Variants in PCDHGB4 observed in about 807,000 individuals in gnomAD.
PCDHGB4 encodes the protein protocadherin gamma subfamily B, 4.
PCDHGB4 carries 38 observed loss-of-function variants against 60.5 expected under a neutral mutation model. That is an observed-to-expected ratio of 0.63 (90% CI 0.48 to 0.82). The LOEUF is 0.82. Among genes scored for constraint, PCDHGB4 ranks in the 40% least tolerant of loss-of-function variants. PCDHGB4 has a pLI of 0.00. For missense variants in PCDHGB4, 1,109 were observed against 1,209.6 expected (o/e 0.92, Z 1.23); for synonymous variants, 456 against 509.7 (o/e 0.89, Z 1.42).
chr5:141,423,141 G>A, intron 1 of PCDHGB4: 1 of 1,613,580 alleles, frequency 6.2e-7, no homozygotes, highest in Non-Finnish European at 8.5e-7. Context: ...ACAGAGACGC[G>A]CTCAAGCAGA....
At chr5:141,400,766 C>T in intron 1 of PCDHGB4, 1 of 577,074 alleles carries the variant, frequency 1.7e-6, no homozygotes, top group South Asian at 2.3e-5. Context: ...CTAGCAAAAA[C>T]ATTTGGTGCG....
chr5:141,478,376 C>T, intron 1 of PCDHGB4: 4 of 1,613,672 alleles, frequency 2.5e-6, no homozygotes, highest in Non-Finnish European at 3.4e-6. Flanking sequence ...CCTGATGTCG[C>T]CGCACCTTTA....
intron 1 of PCDHGB4, chr5:141,404,186 C>T (rs767632448): frequency 3.1e-6 from 5 of 1,613,084 alleles, no homozygotes; most frequent in Non-Finnish European, 4.2e-6. Flanking sequence ...AATTCTTGAC[C>T]GAGAAAAAGC....
At chr5:141,433,691 G>A (rs2097644575) in intron 1 of PCDHGB4, among the ~76,000 whole-genome samples, 1 of 152,044 alleles carries the variant, frequency 6.6e-6, no homozygotes, top group Non-Finnish European at 1.5e-5. Flanking sequence ...TACAAAATTA[G>A]CCGGGCGTGG....
In PCDHGB4 at chr5:141,394,565, T is replaced by C. The variant is rs199836246; in HGVS notation, c.2397+4284T>C. ...AGCTGGCGCCCCGCTCCGCAGAGCG[T>C]GGCTACCTGGTGACCAAGGTGGTGG... On this transcript the variant is annotated intron_variant, in intron 1 of 3. Transcript: ENST00000519479. The C allele has an allele frequency of 4.7e-3, 7,555 of 1,612,722 alleles. 48 individuals carry two copies. The highest frequency in any genetic ancestry group is 9.5e-3 in the Admixed American group (567 of 59,986).
intron 1 of PCDHGB4, among the ~76,000 whole-genome samples, chr5:141,450,025 G>C (rs963999877): frequency 2.7e-5 from 1 of 36,752 alleles, no homozygotes; most frequent in Non-Finnish European, 5.4e-5. Context: ...TTTTTTTTTT[G>C]AGACAGGGTC....
At chr5:141,427,266 G>A (rs753905641) in intron 1 of PCDHGB4, 15 of 456,620 alleles carry the variant, frequency 3.3e-5, no homozygotes, top group Non-Finnish European at 5.7e-5. Context: ...CATGACCAGC[G>A]AATGTAAAAT....
At chr5:141,484,047 TC>T (rs1351554084) in intron 1 of PCDHGB4, among the ~76,000 whole-genome samples, 1 of 151,912 alleles carries the variant, frequency 6.6e-6, no homozygotes, top group African/African-American at 2.4e-5. Context: ...CTCCAAGAGG[TC>T]CCCTGGGGCT....
chr5:141,459,989 A>G (rs2098979714), intron 1 of PCDHGB4, among the ~76,000 whole-genome samples: 1 of 152,204 alleles, frequency 6.6e-6, no homozygotes, highest in Non-Finnish European at 1.5e-5. Flanking sequence ...GAGACAGGAG[A>G]ATCGCTTGAA....
chr5:141,414,981 C>G (rs766434004), intron 1 of PCDHGB4: 12 of 1,613,722 alleles, frequency 7.4e-6, no homozygotes, highest in East Asian at 6.7e-5. Flanking sequence ...ACAGAGACTC[C>G]GGCCAGAACG....
chr5:141,472,079 G>T (rs2099271048), intron 1 of PCDHGB4, among the ~76,000 whole-genome samples: 1 of 152,124 alleles, frequency 6.6e-6, no homozygotes, highest in African/African-American at 2.4e-5. Flanking sequence ...TTATATCAAT[G>T]AGTACTATTA....
chr5:141,488,985 C>G lies in PCDHGB4; in HGVS notation c.2398-5822C>G, dbSNP rs574857958. On this transcript the variant is annotated intron_variant, in intron 1 of 3. Transcript: ENST00000519479. ...ACTTTTTGGCCAATCAGACTCAGAG[C>G]TGAGGTGGGAGATCTGCTCTTCCAG... The G allele has an allele frequency of 7.4e-6, 3 of 405,188 alleles. No homozygotes were observed. In the South Asian group the frequency reaches 2.4e-4, roughly 32 times the overall value. The allele number at this position is 405,188 out of a possible 1,614,324, so 25.1% of individuals were successfully genotyped here.
At position 141,404,686 on chromosome 5, in the gene PCDHGB4, A is replaced by G. The variant is rs1281158377; in HGVS notation, c.2397+14405A>G. On this transcript the variant is annotated intron_variant, in intron 1 of 3. Transcript: ENST00000519479. ...ATGGTTCTACTGGTGTGGAGCTGGC[A>G]CCCCGCTCTGCAGAGCCTGGCTACC... 4 of 1,613,710 alleles carry G rather than the reference A, an allele frequency of 2.5e-6. No individual in the cohort carries two copies. In the African/African-American group the frequency reaches 5.3e-5, roughly 22 times the overall value.
intron 1 of PCDHGB4, among the ~76,000 whole-genome samples, chr5:141,474,672 T>C (rs1203448521): frequency 2.0e-5 from 3 of 152,228 alleles, no homozygotes; most frequent in Non-Finnish European, 4.4e-5. Flanking sequence ...ACCTAACCTA[T>C]GTGCCTACCC....
At chr5:141,455,389 G>C (rs1190144149) in intron 1 of PCDHGB4, among the ~76,000 whole-genome samples, 1 of 152,114 alleles carries the variant, frequency 6.6e-6, no homozygotes, top group Non-Finnish European at 1.5e-5. Flanking sequence ...GAAGGAAGGA[G>C]CTCCCCCTTA....
intron 1 of PCDHGB4, among the ~76,000 whole-genome samples, chr5:141,463,542 G>A (rs1376087953): frequency 7.1e-6 from 1 of 141,810 alleles, no homozygotes; most frequent in African/African-American, 2.6e-5. Context: ...TCCGGCTCCC[G>A]GGTTCATGCC....
chr5:141,393,051 C>G, intron 1 of PCDHGB4: 1 of 1,613,622 alleles, frequency 6.2e-7, no homozygotes, highest in South Asian at 1.1e-5. Flanking sequence ...TCTGAACCCG[C>G]GCAGCGGCAG....
At chr5:141,414,336 C>T (rs567878158) in intron 1 of PCDHGB4, 3 of 1,613,846 alleles carry the variant, frequency 1.9e-6, no homozygotes, top group East Asian at 2.2e-5. Flanking sequence ...GACAGGTAAC[C>T]TGTTCCATTT....
intron 1 of PCDHGB4, chr5:141,394,332 A>T (rs1270394666): frequency 1.9e-6 from 3 of 1,614,010 alleles, no homozygotes; most frequent in Non-Finnish European, 2.5e-6. Flanking sequence ...GTATATCTCC[A>T]TCAACTCTGA....
Sources: allele counts gnomAD v4.1 joint callset (sites outside exome capture counted in the v4.1 genomes callset), GRCh38; gene constraint gnomAD v4.1.1; transcripts MANE v1.5; gene names NCBI Gene and HGNC (gene_info 2026-07-23, HGNC 2026-07-21).